The following CCSER2 variants were observed in gnomAD, a reference collection of about 807,000 sequenced individuals.
CCSER2 encodes the protein serine-rich coiled-coil domain-containing protein 2.
CCSER2 carries 46 observed loss-of-function variants against 92.3 expected under a neutral mutation model. That is an observed-to-expected ratio of 0.50 (90% CI 0.39 to 0.64). The LOEUF (loss-of-function observed/expected upper bound fraction) is 0.64. Ranked by LOEUF, CCSER2 falls within the 30% of genes least tolerant of loss-of-function variation. The pLI is 0.00. For missense variants in CCSER2, 1,244 were observed against 1,238.9 expected, an observed-to-expected ratio of 1.00 and a Z score of -0.06; for synonymous variants, 433 against 431.4, an observed-to-expected ratio of 1.00 and a Z score of -0.04.
At chr10:84,397,462 A>G (rs1276727259) in intron 3 of CCSER2, among the ~76,000 whole-genome samples, 1 of 152,226 alleles carries the variant, frequency 6.6e-6, no homozygotes, top group East Asian at 1.9e-4. Flanking sequence ...AATTGAACCT[A>G]AAATAAGGAA....
intron 4 of CCSER2, chr10:84,425,207 G>A (rs1843365932): frequency 1.0e-6 from 1 of 974,702 alleles, no homozygotes; most frequent in African/African-American, 1.8e-5. Context: ...GCAGATTGAA[G>A]CGTCTTACTT....
intron 9 of CCSER2, among the ~76,000 whole-genome samples, chr10:84,502,696 C>T (rs1422265058): frequency 2.0e-5 from 3 of 151,994 alleles, no homozygotes; most frequent in Admixed American, 6.6e-5. Flanking sequence ...TGAACATCAG[C>T]TTGAGGGAAC....
At chr10:84,339,825 A>C (rs2133006090) in intron 1 of CCSER2, among the ~76,000 whole-genome samples, 1 of 149,394 alleles carries the variant, frequency 6.7e-6, no homozygotes, top group Non-Finnish European at 1.5e-5. Flanking sequence ...CTTCTCATTA[A>C]ATCACTTTAT....
intron 5 of CCSER2, among the ~76,000 whole-genome samples, chr10:84,429,828 A>G (rs534070437): frequency 6.6e-5 from 10 of 151,698 alleles, no homozygotes; most frequent in Non-Finnish European, 1.2e-4. Flanking sequence ...CCACTTAACT[A>G]CGGGAATGTA....
At position 84,438,645 on chromosome 10, in the gene CCSER2, A is replaced by G. The variant is rs756819663; in HGVS notation, c.2002A>G (p.Met668Val). The G allele has an allele frequency of 6.6e-5, 107 of 1,613,696 alleles. No individual in the cohort carries two copies. The highest frequency in any genetic ancestry group is 7.0e-5 in the Non-Finnish European group (82 of 1,179,814). The change falls in exon 6 of 10, where the codon ATG becomes GTG. Residue 668 changes from methionine (M) to valine (V), a missense_variant. Coordinates refer to ENST00000372088, the MANE Select transcript of CCSER2 (RefSeq NM_001284240.2). ...ACTGGATGAGATGACCCTTCGGCACATGGTTCAGGATTGCACTGCTGTAAA... is the reference window on the plus strand; with the variant it reads ...ACTGGATGAGATGACCCTTCGGCACGTGGTTCAGGATTGCACTGCTGTAAA... ...VILDEMTLRH[M>V]VQDCTAVKTQ... is the part of the protein sequence containing the mutation.
At chr10:84,350,567 AT>A (rs912754323) in intron 1 of CCSER2, among the ~76,000 whole-genome samples, 3 of 152,162 alleles carry the variant, frequency 2.0e-5, no homozygotes, top group African/African-American at 7.2e-5. Flanking sequence ...CCTCCCACCA[AT>A]TTAAGAGTCT....
chr10:84,438,087 A>T (rs946586224), intron 5 of CCSER2, among the ~76,000 whole-genome samples: 3 of 152,248 alleles, frequency 2.0e-5, no homozygotes, highest in African/African-American at 7.2e-5. Flanking sequence ...CCAAGGATGT[A>T]TACAAACTGA....
At position 84,470,466 on chromosome 10, in the gene CCSER2, T is replaced by C; in HGVS notation, c.2235+8T>C. 1 of 1,419,814 alleles carries C rather than the reference T, an allele frequency of 7.0e-7. No homozygotes were observed. The highest frequency in any genetic ancestry group is 9.4e-7 in the Non-Finnish European group (1 of 1,068,672). 88.0% of individuals were successfully genotyped at this position (1,419,814 alleles called of 1,614,324 possible). On this transcript the variant is annotated splice_region_variant and intron_variant, in intron 8 of 9. Transcript: ENST00000372088. The stretch of plus-strand genomic sequence containing the variant: ...CTATTAGAACTTCAGCTTGTAAGTA[T>C]TGTAGTATAATGTATAGAGACTTTT...
At chr10:84,330,345 C>A (rs949769163) in intron 1 of CCSER2, among the ~76,000 whole-genome samples, 1 of 152,224 alleles carries the variant, frequency 6.6e-6, no homozygotes, top group Non-Finnish European at 1.5e-5. Context: ...TGAGAATTCT[C>A]TACCTAGTAA....
At chr10:84,458,557 C>CA (rs908269874) in intron 6 of CCSER2, among the ~76,000 whole-genome samples, 5 of 152,036 alleles carry the variant, frequency 3.3e-5, no homozygotes, top group Non-Finnish European at 7.4e-5. Context: ...TCTATTTCTA[C>CA]AAAAAATAAA....
intron 3 of CCSER2, among the ~76,000 whole-genome samples, chr10:84,403,766 A>G (rs141813118): frequency 6.6e-6 from 1 of 152,344 alleles, no homozygotes; most frequent in East Asian, 1.9e-4. Context: ...AATTGTGATA[A>G]AACCAAATGC....
chr10:84,409,949 T>C (rs1267785627), intron 3 of CCSER2, among the ~76,000 whole-genome samples: 4 of 152,160 alleles, frequency 2.6e-5, no homozygotes, highest in African/African-American at 7.2e-5. Flanking sequence ...CAGTGCATGT[T>C]GTTCCCTGCA....
intron 3 of CCSER2, among the ~76,000 whole-genome samples, chr10:84,415,954 G>A (rs575119604): frequency 1.3e-5 from 2 of 152,328 alleles, no homozygotes; most frequent in South Asian, 2.1e-4. Flanking sequence ...CTAGTGGTAT[G>A]TAGGGACAGA....
At chr10:84,470,941 A>T (rs762509860) in intron 8 of CCSER2, among the ~76,000 whole-genome samples, 4 of 152,116 alleles carry the variant, frequency 2.6e-5, no homozygotes, top group Non-Finnish European at 5.9e-5. Context: ...GAATCTTCAT[A>T]ATCTAATAAT....
At chr10:84,340,653 G>A (rs570967587) in intron 1 of CCSER2, among the ~76,000 whole-genome samples, 5 of 145,974 alleles carry the variant, frequency 3.4e-5, no homozygotes, top group Non-Finnish European at 7.5e-5. Context: ...CCTCTTTGAC[G>A]TCTCTATTTG....
At chr10:84,504,203 C>T (rs1000147017) in intron 9 of CCSER2, among the ~76,000 whole-genome samples, 2 of 151,538 alleles carry the variant, frequency 1.3e-5, no homozygotes, top group African/African-American at 4.9e-5. Flanking sequence ...TAAATATGAG[C>T]ATTTAGGTTT....
intron 1 of CCSER2, among the ~76,000 whole-genome samples, chr10:84,339,632 C>T (rs1469240705): frequency 1.3e-5 from 2 of 151,780 alleles, no homozygotes; most frequent in African/African-American, 2.4e-5. Flanking sequence ...TGCGCCACCA[C>T]GCCTGGCTGG....
chr10:84,464,238 A>C (rs1846263987), intron 7 of CCSER2, among the ~76,000 whole-genome samples: 1 of 152,210 alleles, frequency 6.6e-6, no homozygotes, highest in Non-Finnish European at 1.5e-5. Context: ...CTGTTGCAGG[A>C]TTTAAAAAGA....
rs557784203 is a variant in CCSER2 at position 84,452,627 on chromosome 10, G to A, written c.2065-11306G>A. On this transcript the variant is annotated intron_variant, in intron 6 of 9. Transcript: ENST00000372088. Reference sequence around the variant, plus strand: ...CTGTGAATTACTTATTTTTTGTTCAGTTGCTATGGATTTTTTGTACTATTT... The same window carrying A: ...CTGTGAATTACTTATTTTTTGTTCAATTGCTATGGATTTTTTGTACTATTT... 1.8e-4 allele frequency among the ~76,000 whole-genome samples: 28 copies of A among 152,178 alleles called. 1 individual carries two copies. In the East Asian group the frequency reaches 5.2e-3, roughly 28 times the overall value.
Sources: allele counts gnomAD v4.1 joint callset (sites outside exome capture counted in the v4.1 genomes callset), GRCh38; gene constraint gnomAD v4.1.1; transcripts MANE v1.5; gene names NCBI Gene and HGNC (gene_info 2026-07-23, HGNC 2026-07-21).